CELF4: variants seen among roughly 807,000 people sequenced by gnomAD.
CELF4 encodes CUG-BP- and ETR-3-like factor 4.
A neutral mutation model predicts 59.9 loss-of-function variants in CELF4; 18 were observed. That is an observed-to-expected ratio of 0.30 (90% confidence interval 0.21 to 0.45). The LOEUF (loss-of-function observed/expected upper bound fraction) is 0.45. Among genes scored for constraint, CELF4 ranks in the 20% least tolerant of loss-of-function variants. CELF4 has a pLI of 1.00. For missense variants in CELF4, 456 were observed against 689.0 expected, an observed-to-expected ratio of 0.66 and a Z score of 3.79; for synonymous variants, 261 against 267.1, an observed-to-expected ratio of 0.98 and a Z score of 0.22.
Position 37,309,547 on chromosome 18 carries a change from G to A in CELF4, c.448+12256C>T, listed in dbSNP as rs368881756. ...GCTGGGTAGGGAAAAAGCAGATCCCGCTAACAGAGGCAGGGCATGACCAGG... is the reference window on the plus strand; with the variant it reads ...GCTGGGTAGGGAAAAAGCAGATCCCACTAACAGAGGCAGGGCATGACCAGG... On this transcript the variant is annotated intron_variant, in intron 3 of 12. Transcript: ENST00000420428. 4.6e-5 allele frequency among the ~76,000 whole-genome samples: 7 copies of A among 152,190 alleles called. No homozygotes were observed. In the East Asian group the frequency reaches 1.2e-3, roughly 25 times the overall value.
chr18:37,306,293 G>A (rs1401739823), intron 3 of CELF4: 1 of 152,318 alleles, frequency 6.6e-6, no homozygotes, highest in African/African-American at 2.4e-5. Flanking sequence ...CAAAGCAGAG[G>A]CGCCCTGTGA....
chr18:37,313,079 T>G (rs6507198), intron 3 of CELF4, among the ~76,000 whole-genome samples: 57,533 of 151,978 alleles, frequency 0.38, 10,988 homozygotes, highest in South Asian at 0.5. Flanking sequence ...GCAGACTCCT[T>G]CTCCTTCAGT....
intron 2 of CELF4, among the ~76,000 whole-genome samples, chr18:37,459,537 T>C (rs79732116): frequency 0.083 from 12,696 of 152,136 alleles, 575 homozygotes; most frequent in East Asian, 0.14. Context: ...GGATGTGATG[T>C]GCTGGAAGTG....
chr18:37,304,729 C>A (rs1437059622), intron 3 of CELF4, among the ~76,000 whole-genome samples: 1 of 152,152 alleles, frequency 6.6e-6, no homozygotes, highest in Non-Finnish European at 1.5e-5. Flanking sequence ...GTGGTGTCTC[C>A]CTGCCCTCAG....
At chr18:37,258,071 C>G (rs2071273230) in intron 11 of CELF4, among the ~76,000 whole-genome samples, 1 of 152,150 alleles carries the variant, frequency 6.6e-6, no homozygotes, top group Non-Finnish European at 1.5e-5. Flanking sequence ...AAAATGTATC[C>G]TTTGTCTATC....
At chr18:37,511,737 C>T (rs1310277859) in intron 1 of CELF4, among the ~76,000 whole-genome samples, 3 of 152,006 alleles carry the variant, frequency 2.0e-5, no homozygotes, top group Admixed American at 6.6e-5. Flanking sequence ...CTTTCCCTCA[C>T]ACTCTCTGCT....
chr18:37,340,109 A>T (rs960168815), intron 2 of CELF4, among the ~76,000 whole-genome samples: 2 of 152,098 alleles, frequency 1.3e-5, no homozygotes, highest in Non-Finnish European at 2.9e-5. Flanking sequence ...TCCCACCACA[A>T]TGCCCAGCCT....
intron 1 of CELF4, among the ~76,000 whole-genome samples, chr18:37,537,251 C>T (rs1157586049): frequency 6.6e-6 from 1 of 152,196 alleles, no homozygotes; most frequent in African/African-American, 2.4e-5. Context: ...TAGGCTGGTT[C>T]TCAGAGCAGG....
At chr18:37,475,962 AT>A (rs1431933380) in intron 2 of CELF4, among the ~76,000 whole-genome samples, 2 of 152,194 alleles carry the variant, frequency 1.3e-5, no homozygotes, top group African/African-American at 2.4e-5. Flanking sequence ...AATGGGACAT[AT>A]GGTCCAAACT....
intron 2 of CELF4, among the ~76,000 whole-genome samples, chr18:37,375,916 C>G (rs2098963568): frequency 1.3e-5 from 2 of 152,162 alleles, no homozygotes; most frequent in Non-Finnish European, 2.9e-5. Context: ...CTGGAGGAGG[C>G]CTTTTTAATT....
intron 2 of CELF4, among the ~76,000 whole-genome samples, chr18:37,366,166 A>G (rs2098779592): frequency 6.6e-6 from 1 of 152,116 alleles, no homozygotes; most frequent in African/African-American, 2.4e-5. Flanking sequence ...GCTGAGGAGG[A>G]TGGTCTCTGC....
intron 6 of CELF4, 52 bp downstream of exon 6, chr18:37,274,259 G>A: frequency 6.3e-7 from 1 of 1,595,726 alleles, no homozygotes; most frequent in South Asian, 1.1e-5. Flanking sequence ...GCTCTCTGAG[G>A]CTCCCAGGGG....
intron 1 of CELF4, among the ~76,000 whole-genome samples, chr18:37,559,684 T>C (rs1175422811): frequency 6.6e-6 from 1 of 152,194 alleles, no homozygotes; most frequent in Non-Finnish European, 1.5e-5. Context: ...AGAGGCAAAG[T>C]TGAGACAAGC....
intron 3 of CELF4, among the ~76,000 whole-genome samples, chr18:37,288,534 G>A (rs1048255696): frequency 1.3e-5 from 2 of 152,188 alleles, no homozygotes; most frequent in Non-Finnish European, 2.9e-5. Context: ...CAACCAACTT[G>A]CTGGGGATCC....
chr18:37,447,536 T>C (rs1255600303), intron 2 of CELF4, among the ~76,000 whole-genome samples: 1 of 152,108 alleles, frequency 6.6e-6, no homozygotes, highest in Admixed American at 6.5e-5. Context: ...GAGCGACCCG[T>C]TTTTCTTTCT....
At chr18:37,284,671 T>C (rs149458097) in intron 3 of CELF4, among the ~76,000 whole-genome samples, 43 of 152,360 alleles carry the variant, frequency 2.8e-4, no homozygotes, top group Non-Finnish European at 5.7e-4. Flanking sequence ...GCCCTGCCCA[T>C]GGCTGCGGCT....
intron 3 of CELF4, among the ~76,000 whole-genome samples, chr18:37,318,027 C>G (rs2096928094): frequency 6.6e-6 from 1 of 152,198 alleles, no homozygotes; most frequent in South Asian, 2.1e-4. Context: ...CCAAAGGCCC[C>G]GCATGTTCCC....
chr18:37,478,022 A>T (rs1211115234), intron 2 of CELF4, among the ~76,000 whole-genome samples: 1 of 152,134 alleles, frequency 6.6e-6, no homozygotes, highest in Admixed American at 6.5e-5. Flanking sequence ...CGTCAGGGAG[A>T]GACATATCTG....
At chr18:37,272,930 T>C (rs1382489655) in intron 7 of CELF4, 86 bp downstream of exon 7, 3 of 1,347,430 alleles carry the variant, frequency 2.2e-6, no homozygotes, top group East Asian at 4.7e-5. Context: ...CACAGAATGG[T>C]CCGCTGGTAG....
Sources: gnomAD v4.1 joint callset for allele counts (sites outside exome capture counted in the v4.1 genomes callset) on GRCh38, gnomAD v4.1.1 for gene constraint, MANE v1.5 for transcripts, NCBI Gene and HGNC (gene_info 2026-07-23, HGNC 2026-07-21) for gene names.